AK5: variants seen among roughly 807,000 people sequenced by gnomAD.
AK5 encodes the protein adenylate kinase isoenzyme 5.
In AK5, 27 loss-of-function variants were observed where a neutral mutation model predicts 69.5. That is an observed-to-expected ratio of 0.39 (90% confidence interval 0.29 to 0.54). The LOEUF (loss-of-function observed/expected upper bound fraction) is 0.54, where lower values mean the gene tolerates loss of function less well. Ranked by LOEUF, AK5 falls within the 20% of genes least tolerant of loss-of-function variation. AK5 has a pLI of 0.71. For missense variants in AK5, 531 were observed against 700.4 expected (o/e 0.76, Z 2.73); for synonymous variants, 260 against 244.4 (o/e 1.06, Z -0.60).
chr1:77,499,578 T>G (rs1656575888), intron 10 of AK5, among the ~76,000 whole-genome samples: 1 of 152,046 alleles, frequency 6.6e-6, no homozygotes, highest in Admixed American at 6.6e-5. Context: ...GGAAAGCTGG[T>G]GGGGAAGAGC....
chr1:77,416,778 T>G (rs1010233113), intron 7 of AK5, among the ~76,000 whole-genome samples: 3 of 152,226 alleles, frequency 2.0e-5, no homozygotes, highest in Non-Finnish European at 4.4e-5. Flanking sequence ...TCATTGGATA[T>G]TCTGACTAAG....
chr1:77,429,791 T>C (rs143846740), intron 8 of AK5, among the ~76,000 whole-genome samples: 364 of 152,256 alleles, frequency 2.4e-3, no homozygotes, highest in African/African-American at 8.4e-3. Flanking sequence ...ATCTGTAAGA[T>C]TGGTCATAGG....
intron 6 of AK5, among the ~76,000 whole-genome samples, chr1:77,368,245 A>ATATATATATAGTTATATATAT (rs376578923): frequency 1.5e-5 from 1 of 67,906 alleles, no homozygotes; most frequent in South Asian, 5.5e-4. Context: ...ATATATATAT[A>ATATATATATAGTTATATATAT]TATATATAAT....
At chr1:77,309,358 C>A (rs1343683714) in intron 5 of AK5, among the ~76,000 whole-genome samples, 1 of 152,084 alleles carries the variant, frequency 6.6e-6, no homozygotes, top group African/African-American at 2.4e-5. Context: ...ACTATCTGGT[C>A]CCAACTAATT....
chr1:77,504,959 T>C (rs1219806570), intron 10 of AK5, among the ~76,000 whole-genome samples: 1 of 152,232 alleles, frequency 6.6e-6, no homozygotes, highest in African/African-American at 2.4e-5. Flanking sequence ...TATTAAAAAT[T>C]CTGTAATGAA....
intron 6 of AK5, among the ~76,000 whole-genome samples, chr1:77,366,288 A>G (rs1172938518): frequency 6.6e-6 from 1 of 152,194 alleles, no homozygotes; most frequent in Non-Finnish European, 1.5e-5. Context: ...TTCTCTGCAG[A>G]TTAAATGAGG....
At chr1:77,510,681 G>A (rs1178223998) in intron 10 of AK5, among the ~76,000 whole-genome samples, 1 of 151,880 alleles carries the variant, frequency 6.6e-6, no homozygotes, top group Non-Finnish European at 1.5e-5. Flanking sequence ...AAAAGAGAGC[G>A]TCAAGTTCTT....
chr1:77,488,740 T>C (rs949800005), intron 10 of AK5, among the ~76,000 whole-genome samples: 8 of 152,146 alleles, frequency 5.3e-5, no homozygotes, highest in Non-Finnish European at 1.2e-4. Context: ...TTTTCACATG[T>C]TTCTGCCTGC....
In AK5 at chr1:77,297,892, T is replaced by A; in HGVS notation, c.644T>A (p.Ile215Asn). ...KLMQIPDEEG[I>N]VIDGFPRDVA... ...ATGCAAATACCTGATGAAGAGGGCATTGTTATTGATGGATTTCCAAGAGAT... is the reference window on the plus strand; with the variant it reads ...ATGCAAATACCTGATGAAGAGGGCAATGTTATTGATGGATTTCCAAGAGAT... Residue 215 changes from isoleucine (I) to asparagine (N), a missense_variant, in exon 5 of 14, where the codon ATT becomes AAT. Physicochemically the swap from Ile to Asn is moderately radical, Grantham distance 149 (BLOSUM62 -3). Transcript: ENST00000354567. The A allele has an allele frequency of 1.2e-6, 2 of 1,613,612 alleles. No individual in the cohort carries two copies. Among genetic ancestry groups the A allele is most frequent in the Non-Finnish European group, 1.7e-6 (2 of 1,179,808 alleles).
At chr1:77,339,136 A>T (rs1260554309) in intron 5 of AK5, among the ~76,000 whole-genome samples, 1 of 152,278 alleles carries the variant, frequency 6.6e-6, no homozygotes, top group Admixed American at 6.5e-5. Context: ...TACAATGTGC[A>T]TTCTGCACTA....
chr1:77,459,193 A>T (rs1653680054), intron 8 of AK5, among the ~76,000 whole-genome samples: 1 of 152,212 alleles, frequency 6.6e-6, no homozygotes, highest in South Asian at 2.1e-4. Context: ...ATTTTTAAAT[A>T]GATCTAAATT....
intron 6 of AK5, among the ~76,000 whole-genome samples, chr1:77,393,251 A>G (rs1648606329): frequency 6.6e-6 from 1 of 152,208 alleles, no homozygotes; most frequent in South Asian, 2.1e-4. Flanking sequence ...CAATCTAGCT[A>G]GTTGTCAGGG....
At chr1:77,342,046 A>G (rs1661682409) in intron 6 of AK5, among the ~76,000 whole-genome samples, 1 of 151,968 alleles carries the variant, frequency 6.6e-6, no homozygotes. Context: ...TTACAGGTGC[A>G]CACCACCACG....
chr1:77,424,769 T>C lies in AK5; in HGVS notation c.1059+7054T>C, dbSNP rs559190120. Among the ~76,000 whole-genome samples the C allele has an allele frequency of 8.6e-5, 13 of 152,000 alleles. No individual in the cohort carries two copies. In the South Asian group the frequency reaches 2.5e-3, roughly 29 times the overall value. On this transcript the variant is annotated intron_variant, in intron 8 of 13. Transcript: ENST00000354567. ...AACAGAACTGAATATCTGAGAAACA[T>C]AGGACAGCTACAAAAGATGTAACAT... is the stretch of plus-strand genomic sequence containing the variant.
intron 13 of AK5, among the ~76,000 whole-genome samples, chr1:77,557,006 G>A (rs575088582): frequency 3.3e-5 from 5 of 150,716 alleles, no homozygotes; most frequent in South Asian, 4.2e-4. Flanking sequence ...TCGTTTGTTA[G>A]CATTTAGTTA....
intron 8 of AK5, among the ~76,000 whole-genome samples, chr1:77,461,417 G>T (rs568226830): frequency 1.3e-5 from 2 of 152,004 alleles, no homozygotes; most frequent in African/African-American, 4.8e-5. Context: ...TAGTGGGGAG[G>T]GGGGAATGGG....
chr1:77,510,666 G>C (rs1657290557), intron 10 of AK5, among the ~76,000 whole-genome samples: 1 of 151,922 alleles, frequency 6.6e-6, no homozygotes, highest in Non-Finnish European at 1.5e-5. Context: ...ATTTCATATG[G>C]ACAAAAAAGA....
chr1:77,334,368 T>C (rs946736113), intron 5 of AK5, among the ~76,000 whole-genome samples: 3 of 152,206 alleles, frequency 2.0e-5, no homozygotes, highest in African/African-American at 7.2e-5. Flanking sequence ...TTTTGGCTGC[T>C]TTAAAGATAT....
chr1:77,426,917 T>A (rs1483911312), intron 8 of AK5, among the ~76,000 whole-genome samples: 1 of 152,140 alleles, frequency 6.6e-6, no homozygotes, highest in East Asian at 1.9e-4. Context: ...AAGAGAAATG[T>A]TAAAATATTT....
Sources: allele counts gnomAD v4.1 joint callset (sites outside exome capture counted in the v4.1 genomes callset), GRCh38; gene constraint gnomAD v4.1.1; transcripts MANE v1.5; gene names NCBI Gene and HGNC (gene_info 2026-07-23, HGNC 2026-07-21).